The following FAAH variants were observed in gnomAD, a reference collection of about 807,000 sequenced individuals.
The protein encoded by FAAH is fatty-acid amide hydrolase 1.
Under a neutral mutation model 69.7 loss-of-function variants are expected in FAAH, and 63 were observed. That is an observed-to-expected ratio of 0.90 (90% confidence interval 0.74 to 1.12). The LOEUF (loss-of-function observed/expected upper bound fraction) is 1.12. FAAH is among the 50% of genes most tolerant of loss of function. The pLI is 0.00. For synonymous variants in FAAH, 305 were observed against 324.2 expected (o/e 0.94, Z 0.64); for missense variants, 680 against 755.0 (o/e 0.90, Z 1.16).
intron 8 of FAAH, 82 bp downstream of exon 8, chr1:46,408,666 T>G: frequency 8.8e-6 from 14 of 1,597,996 alleles, no homozygotes; most frequent in Non-Finnish European, 1.1e-5. Context: ...ACTCCATCCC[T>G]GGCATCCTGG....
chr1:46,412,511 A>T (rs930551242), intron 13 of FAAH, among the ~76,000 whole-genome samples: 2 of 152,196 alleles, frequency 1.3e-5, no homozygotes, highest in Non-Finnish European at 2.9e-5. Context: ...TGGGATTTAG[A>T]TAAATCAAGA....
chr1:46,394,329 A>C lies in FAAH; in HGVS notation c.-20A>C, dbSNP rs761652281. ...GGCGGCTTCAACTGTCGCGGTAGGC[A>C]GCAGCAGGCTGAAGGGATCATGGTG... On this transcript the variant is annotated 5_prime_UTR_variant, in exon 1 of 15. Transcript: ENST00000243167. The C allele has an allele frequency of 1.3e-6, 2 of 1,550,158 alleles. No individual in the cohort carries two copies. Among genetic ancestry groups the C allele is most frequent in the South Asian group, 1.2e-5 (1 of 83,870 alleles).
chr1:46,413,138 C>T lies in FAAH; in HGVS notation c.1529C>T (p.Thr510Ile). The T allele has an allele frequency of 3.7e-6, 6 of 1,614,168 alleles. No individual in the cohort carries two copies. The highest frequency in any genetic ancestry group is 5.1e-6 in the Non-Finnish European group (6 of 1,180,020). Reference sequence around the variant, plus strand: ...TTCCCTGCAGGGGTGGTGCCTGTCACCACGGTGACTGCTGAGGACGAGGCC... The same window carrying T: ...TTCCCTGCAGGGGTGGTGCCTGTCATCACGGTGACTGCTGAGGACGAGGCC... ...LDFPAGVVPV[T>I]TVTAEDEAQM... The change falls in exon 14 of 15, where the codon ACC becomes ATC. Residue 510 changes from threonine (T) to isoleucine (I), a missense_variant. Transcript: ENST00000243167.
chr1:46,396,503 G>A (rs895430755), intron 1 of FAAH, among the ~76,000 whole-genome samples: 4 of 152,194 alleles, frequency 2.6e-5, no homozygotes, highest in Middle Eastern at 3.2e-3. Flanking sequence ...TCAGTGGGGA[G>A]AAACCTTGGA....
chr1:46,404,496 T>C lies in FAAH; in HGVS notation c.310-518T>C, dbSNP rs1664756583. Among the ~76,000 whole-genome samples, 1 of 152,158 alleles carries C rather than the reference T, an allele frequency of 6.6e-6. No individual in the cohort carries two copies. The highest frequency in any genetic ancestry group is 6.5e-5 in the Admixed American group (1 of 15,288). On this transcript the variant is annotated intron_variant, in intron 2 of 14. Coordinates refer to ENST00000243167, the MANE Select transcript of FAAH (RefSeq NM_001441.3). This position sits in a 1 kb window ranked among gnomAD's most constrained non-coding sequence, Gnocchi z 4.5. ...ATTATCAAATTCAAGATTTCCTGGG[T>C]AAGGGGAGGCTTGACTGGGCTACAT...
intron 1 of FAAH, among the ~76,000 whole-genome samples, chr1:46,394,995 A>G (rs1569800863): frequency 6.6e-6 from 1 of 152,064 alleles, no homozygotes; most frequent in African/African-American, 2.4e-5. Context: ...GCAAGAGTGC[A>G]GTGGTGCGAT....
At position 46,405,554 on chromosome 1, in the gene FAAH, A is replaced by G; in HGVS notation, c.579-34A>G. On this transcript the variant is annotated intron_variant, in intron 4 of 14. Transcript: ENST00000243167. The surrounding 1 kb of genome is among the most constrained non-coding windows in gnomAD (Gnocchi z 4.1). ...GCGGGGCAGGGGCACCGGTCCCAGC[A>G]TGGCACGGGCTGACCCATTCTTGGC... is the stretch of plus-strand genomic sequence containing the variant. 1 of 1,613,136 alleles carries G rather than the reference A, an allele frequency of 6.2e-7. No individual in the cohort carries two copies. Among genetic ancestry groups the G allele is most frequent in the Non-Finnish European group, 8.5e-7 (1 of 1,180,034 alleles).
chr1:46,398,539 CTT>C (rs549332217), intron 1 of FAAH, among the ~76,000 whole-genome samples: 1 of 144,862 alleles, frequency 6.9e-6, no homozygotes, highest in Non-Finnish European at 1.5e-5. Flanking sequence ...AACCAAGATT[CTT>C]TTTTTTTTTT....
chr1:46,408,874 G>A (rs1664848602), intron 8 of FAAH, among the ~76,000 whole-genome samples: 2 of 152,186 alleles, frequency 1.3e-5, no homozygotes, highest in South Asian at 4.1e-4. Flanking sequence ...AGGGCCAGTG[G>A]GTTTTGGTCT....
chr1:46,401,336 A>C (rs997806857), intron 1 of FAAH, among the ~76,000 whole-genome samples: 1 of 152,054 alleles, frequency 6.6e-6, no homozygotes, highest in Non-Finnish European at 1.5e-5. Flanking sequence ...TTCTTCAGAT[A>C]GGCAGCCTTT....
intron 1 of FAAH, among the ~76,000 whole-genome samples, chr1:46,401,300 C>T (rs113879755): frequency 6.6e-6 from 1 of 151,984 alleles, no homozygotes; most frequent in African/African-American, 2.4e-5. Context: ...ATCTTCTTAT[C>T]CTTCAAATCA....
intron 7 of FAAH, 67 bp downstream of exon 7, chr1:46,406,435 G>A: frequency 1.9e-6 from 3 of 1,604,808 alleles, no homozygotes; most frequent in Non-Finnish European, 8.5e-7. Flanking sequence ...GGCCTTGTGG[G>A]CAGGCCTTGG....
rs578128149 is a variant in FAAH at position 46,405,729 on chromosome 1, C to T, written c.720C>T (p.Gly240=). Residue 240 remains glycine, a synonymous_variant, in exon 5 of 15, where the codon GGC becomes GGT. Coordinates refer to ENST00000243167, the MANE Select transcript of FAAH (RefSeq NM_001441.3). This position sits in a 1 kb window ranked among gnomAD's most constrained non-coding sequence, Gnocchi z 4.1. ...TGGGCTTAGGCACTGATATCGGAGG[C>T]AGCATCCGCTTCCCCTCCTCCTTCT... ...SPLGLGTDIG[G]SIRFPSSFCG... is the part of the protein sequence containing the mutation. 1 of 1,613,512 alleles carries T rather than the reference C, an allele frequency of 6.2e-7. No individual in the cohort carries two copies. The highest frequency in any genetic ancestry group is 8.5e-7 in the Non-Finnish European group (1 of 1,180,040).
intron 2 of FAAH, 95 bp downstream of exon 2, chr1:46,402,299 G>C: frequency 9.1e-7 from 1 of 1,099,586 alleles, no homozygotes; most frequent in Non-Finnish European, 1.4e-6. Flanking sequence ...ACAGGCTGTG[G>C]GGAAAACCTG....
rs775500583 is a variant in FAAH, at chr1:46,413,430, G to T, written c.1612-17G>T. ...CCTGCCTTGCTAACCCTATCCTGAT[G>T]CCTGTATCCCCTATAGGGCATGAAG... On this transcript the variant is annotated splice_polypyrimidine_tract_variant and intron_variant, in intron 14 of 14. Transcript: ENST00000243167. 2.4e-5 allele frequency: 38 copies of T among 1,614,096 alleles called. No individual in the cohort carries two copies. Among genetic ancestry groups the T allele is most frequent in the South Asian group, 3.3e-5 (3 of 91,076 alleles).
In FAAH at chr1:46,410,347, TG is replaced by T; in HGVS notation, c.1176-48del. ...ATTGCTGTGGGCCGGGCGAGCAAGCTGGGAAGGATGTGGGGATGGGAGTGCC... is the reference window on the plus strand; with the variant it reads ...ATTGCTGTGGGCCGGGCGAGCAAGCTGGAAGGATGTGGGGATGGGAGTGCC... On this transcript the variant is annotated intron_variant, in intron 9 of 14. Transcript: ENST00000243167. The surrounding 1 kb of genome is among the most constrained non-coding windows in gnomAD (Gnocchi z 4.9). 1 of 1,483,130 alleles carries T rather than the reference TG, an allele frequency of 6.7e-7. No homozygotes were observed. Among genetic ancestry groups the T allele is most frequent in the Non-Finnish European group, 9.4e-7 (1 of 1,060,700 alleles). The allele number at this position is 1,483,130 out of a possible 1,614,324, so 91.9% of individuals were successfully genotyped here.
intron 1 of FAAH, 127 bp downstream of exon 1, chr1:46,394,670 C>T: frequency 2.4e-6 from 2 of 820,320 alleles, no homozygotes; most frequent in Non-Finnish European, 3.3e-6. Context: ...TCCAGAATCT[C>T]TCCTTGCCCT....
chr1:46,402,820 G>A (rs1349498122), intron 2 of FAAH, among the ~76,000 whole-genome samples: 1 of 151,814 alleles, frequency 6.6e-6, no homozygotes, highest in Non-Finnish European at 1.5e-5. Flanking sequence ...AGCCTCCTGA[G>A]TAGCTGGGAG....
At chr1:46,402,018 G>A (rs1664711186) in intron 1 of FAAH, 73 bp from the exon 2 acceptor site, 1 of 1,281,984 alleles carries the variant, frequency 7.8e-7, no homozygotes, top group Non-Finnish European at 1.1e-6. Context: ...GCTGGGGCAT[G>A]GGCCACTGGT....
Sources: allele counts gnomAD v4.1 joint callset (sites outside exome capture counted in the v4.1 genomes callset), GRCh38; gene constraint gnomAD v4.1.1; non-coding constraint Gnocchi (gnomAD v3.1); transcripts MANE v1.5; gene names NCBI Gene and HGNC (gene_info 2026-07-23, HGNC 2026-07-21).